The following KLHL2 variants were observed in gnomAD, a reference collection of about 807,000 sequenced individuals.
KLHL2 encodes the protein kelch like family member 2.
In KLHL2, 15 loss-of-function variants were observed where a neutral mutation model predicts 75.8. The ratio of observed to expected loss-of-function variants is 0.20; its 90% CI spans 0.13 to 0.30. KLHL2 has a LOEUF of 0.30. Ranked by LOEUF, KLHL2 falls within the 10% of genes least tolerant of loss-of-function variation. The pLI is 1.00. For missense variants in KLHL2, 381 were observed against 741.0 expected (o/e 0.51, Z 5.64); for synonymous variants, 214 against 251.9 (o/e 0.85, Z 1.42).
intron 3 of KLHL2, among the ~76,000 whole-genome samples, chr4:165,232,101 G>T (rs1196401674): frequency 6.6e-6 from 1 of 151,970 alleles, no homozygotes; most frequent in Non-Finnish European, 1.5e-5. Flanking sequence ...AGCAATCTTT[G>T]TACTGTTTTT....
intron 5 of KLHL2, among the ~76,000 whole-genome samples, chr4:165,292,633 A>T (rs1342434255): frequency 2.0e-5 from 3 of 152,146 alleles, no homozygotes; most frequent in African/African-American, 7.2e-5. Context: ...ATGCCCTGCC[A>T]ACCTTTTGTA....
At position 165,209,857 on chromosome 4, in the gene KLHL2, T is replaced by C. The variant is rs1210697912; in HGVS notation, c.26+1955T>C. On this transcript the variant is annotated intron_variant, in intron 1 of 14. Transcript: ENST00000226725. Reference sequence around the variant, plus strand: ...GATTAAACCTAATTCAAGAACTCGTTATGGTGTTATTTGCCATTCTGTGGA... The same window carrying C: ...GATTAAACCTAATTCAAGAACTCGTCATGGTGTTATTTGCCATTCTGTGGA... 4 of 482,558 alleles carry C rather than the reference T, an allele frequency of 8.3e-6. No individual in the cohort carries two copies. In the Admixed American group the frequency reaches 1.4e-4, roughly 17 times the overall value. The allele number at this position is 482,558 out of a possible 1,614,324, so 29.9% of individuals were successfully genotyped here.
intron 2 of KLHL2, among the ~76,000 whole-genome samples, chr4:165,228,131 C>T (rs192202300): frequency 7.4e-4 from 112 of 152,364 alleles, no homozygotes; most frequent in East Asian, 1.3e-3. Flanking sequence ...CTTCTGGCTT[C>T]AAGTGATCCA....
intron 6 of KLHL2, among the ~76,000 whole-genome samples, chr4:165,295,074 G>T (rs1341660494): frequency 6.6e-6 from 1 of 152,052 alleles, no homozygotes; most frequent in African/African-American, 2.4e-5. Flanking sequence ...GCTTCTGGTT[G>T]TAGTCTTTTG....
intron 5 of KLHL2, among the ~76,000 whole-genome samples, chr4:165,293,269 A>G (rs1744655993): frequency 6.6e-6 from 1 of 152,210 alleles, no homozygotes; most frequent in Non-Finnish European, 1.5e-5. Flanking sequence ...TGATAAGAAC[A>G]GATACTACAC....
Position 165,305,489 on chromosome 4 carries a change from G to A in KLHL2, c.922-119G>A, listed in dbSNP as rs930280476. ...GTTAGGTGGTTAGATGTTTGTATTC[G>A]CCAGCTCACCCTATCATCTTCATCC... On this transcript the variant is annotated intron_variant, in intron 8 of 14. Transcript: ENST00000226725. 6.9e-5 allele frequency: 53 copies of A among 766,922 alleles called. 1 individual carries two copies. The South Asian group carries it at 7.0e-4, about 10-fold the overall frequency. The allele number at this position is 766,922 out of a possible 1,614,324, so 47.5% of individuals were successfully genotyped here.
intron 10 of KLHL2, among the ~76,000 whole-genome samples, chr4:165,311,017 G>A (rs1668592978): frequency 1.3e-5 from 2 of 151,868 alleles, no homozygotes; most frequent in South Asian, 4.2e-4. Flanking sequence ...ACCACGCCCG[G>A]CTAATTTTTT....
At chr4:165,278,049 C>T in intron 5 of KLHL2, 1 of 1,531,892 alleles carries the variant, frequency 6.5e-7, no homozygotes. Flanking sequence ...ATAAAAAAGC[C>T]CAAGGGCAGA....
chr4:165,290,331 T>A (rs898891999), intron 5 of KLHL2, among the ~76,000 whole-genome samples: 2 of 151,950 alleles, frequency 1.3e-5, no homozygotes, highest in African/African-American at 4.8e-5. Flanking sequence ...GATGGTGTTT[T>A]ACTATGTTGG....
At chr4:165,272,366 A>G (rs953980345) in intron 5 of KLHL2, among the ~76,000 whole-genome samples, 2 of 152,120 alleles carry the variant, frequency 1.3e-5, no homozygotes, top group Admixed American at 1.3e-4. Context: ...AATGCAAGCA[A>G]TTCTGTTCAA....
chr4:165,294,510 CTT>C (rs374375227), intron 6 of KLHL2, 42 bp downstream of exon 6: 3,403 of 820,062 alleles, frequency 4.1e-3, no homozygotes, highest in South Asian at 4.9e-3. Flanking sequence ...TGATGTTTCC[CTT>C]TTTTTTTTTT....
intron 8 of KLHL2, among the ~76,000 whole-genome samples, chr4:165,302,309 T>C (rs1370682666): frequency 6.8e-6 from 1 of 147,746 alleles, no homozygotes; most frequent in Non-Finnish European, 1.5e-5. Flanking sequence ...TCAGATTAAG[T>C]CTAAGGAGTT....
At chr4:165,236,943 A>G (rs1739397074) in intron 3 of KLHL2, among the ~76,000 whole-genome samples, 1 of 150,870 alleles carries the variant, frequency 6.6e-6, no homozygotes. Context: ...ATTATTTTTC[A>G]GTCATACATG....
At chr4:165,248,855 A>C (rs1740466331) in intron 4 of KLHL2, among the ~76,000 whole-genome samples, 1 of 152,222 alleles carries the variant, frequency 6.6e-6, no homozygotes, top group Non-Finnish European at 1.5e-5. Flanking sequence ...TGTGAGAGAG[A>C]AAAGTTTCAT....
At chr4:165,246,464 G>A (rs1740270952) in intron 4 of KLHL2, among the ~76,000 whole-genome samples, 1 of 151,978 alleles carries the variant, frequency 6.6e-6, no homozygotes, top group Non-Finnish European at 1.5e-5. Context: ...AGAAGTTGGA[G>A]GCCCTTTAGA....
At chr4:165,212,534 T>A (rs1357273300) in intron 1 of KLHL2, among the ~76,000 whole-genome samples, 1 of 152,236 alleles carries the variant, frequency 6.6e-6, no homozygotes, top group Non-Finnish European at 1.5e-5. Flanking sequence ...TTCCATTCTC[T>A]GATTTTACCT....
At chr4:165,318,105 A>AAC in intron 14 of KLHL2, 136 bp downstream of exon 14, 1 of 756,712 alleles carries the variant, frequency 1.3e-6, no homozygotes, top group Non-Finnish European at 2.1e-6. Context: ...TAAGATGATT[A>AAC]ACATTGGCTG....
rs1285525143 is a variant in KLHL2, at chr4:165,235,153, G to A, written c.260-3625G>A. On this transcript the variant is annotated intron_variant, in intron 3 of 14. Coordinates refer to ENST00000226725, the MANE Select transcript of KLHL2 (RefSeq NM_007246.4). ...TTTAAAGTGCCATTAGTTACGTTAA[G>A]TAAAAATGCTATATTTTATGTATTT... Among the ~76,000 whole-genome samples the A allele has an allele frequency of 3.3e-5, 5 of 152,352 alleles. No homozygotes were observed. The South Asian group carries it at 6.2e-4, about 19-fold the overall frequency.
chr4:165,237,751 T>C (rs1254528155), intron 3 of KLHL2, among the ~76,000 whole-genome samples: 3 of 152,194 alleles, frequency 2.0e-5, no homozygotes, highest in Admixed American at 1.3e-4. Flanking sequence ...CTCATGCTTC[T>C]TTTACCTTTG....
Sources: gnomAD v4.1 joint callset for allele counts (sites outside exome capture counted in the v4.1 genomes callset) on GRCh38, gnomAD v4.1.1 for gene constraint, MANE v1.5 for transcripts, NCBI Gene and HGNC (gene_info 2026-07-23, HGNC 2026-07-21) for gene names.